Variants in GRIA2 observed in about 807,000 individuals in gnomAD.
GRIA2 encodes the protein glutamate receptor 2.
In GRIA2, 14 loss-of-function variants were observed where a neutral mutation model predicts 97.3. The observed-to-expected ratio is 0.14, with a 90% CI of 0.10 to 0.23. GRIA2 has a LOEUF of 0.23. GRIA2 is among the 10% of genes least tolerant of loss of function. The pLI is 1.00. For missense variants in GRIA2, 558 were observed against 1,069.8 expected, an observed-to-expected ratio of 0.52 and a Z score of 6.67; for synonymous variants, 412 against 387.8, an observed-to-expected ratio of 1.06 and a Z score of -0.73.
At chr4:157,351,377 A>G (rs1560778581) in intron 12 of GRIA2, among the ~76,000 whole-genome samples, 1 of 152,200 alleles carries the variant, frequency 6.6e-6, no homozygotes. Context: ...CTCTTCCTCT[A>G]CATTATCAGT....
intron 12 of GRIA2, among the ~76,000 whole-genome samples, chr4:157,343,134 C>T (rs1735618659): frequency 6.6e-6 from 1 of 151,972 alleles, no homozygotes; most frequent in Admixed American, 6.6e-5. Flanking sequence ...TTCCAATATG[C>T]AATCGTGGAG....
intron 2 of GRIA2, among the ~76,000 whole-genome samples, chr4:157,222,574 C>T (rs1476209444): frequency 1.3e-5 from 2 of 152,184 alleles, no homozygotes; most frequent in Non-Finnish European, 2.9e-5. Flanking sequence ...CCAGGGGCGC[C>T]GCGGTCAGCT....
chr4:157,310,940 C>A (rs1220242260), intron 3 of GRIA2, among the ~76,000 whole-genome samples: 2 of 151,986 alleles, frequency 1.3e-5, no homozygotes, highest in Non-Finnish European at 2.9e-5. Context: ...TATACCTATT[C>A]AACACCAAAA....
chr4:157,300,996 A>C (rs1733591085), intron 2 of GRIA2, among the ~76,000 whole-genome samples: 1 of 152,220 alleles, frequency 6.6e-6, no homozygotes, highest in Non-Finnish European at 1.5e-5. Context: ...TGCTGTTTTC[A>C]TCACAGAAGC....
intron 6 of GRIA2, among the ~76,000 whole-genome samples, chr4:157,330,044 C>A (rs1734979563): frequency 1.3e-5 from 2 of 151,886 alleles, no homozygotes; most frequent in African/African-American, 4.8e-5. Context: ...GTTTTTTAGA[C>A]TTACTGGGAA....
chr4:157,312,568 T>A, intron 3 of GRIA2, 111 bp from the exon 4 acceptor site: 1 of 576,010 alleles, frequency 1.7e-6, no homozygotes, highest in Non-Finnish European at 2.9e-6. Flanking sequence ...CAACATTCCT[T>A]TAGTTGCACA....
At position 157,353,555 on chromosome 4, in the gene GRIA2, A is replaced by C. The variant is rs186834350; in HGVS notation, c.2044-6341A>C. ...GCCAGGTGTGGTGGTGGGCGCCTGT[A>C]GTCCCAGCTACTTGGGAGGCTGAGG... On this transcript the variant is annotated intron_variant, in intron 12 of 15. Coordinates refer to ENST00000264426, the MANE Select transcript of GRIA2 (RefSeq NM_001083619.3). 2.8e-3 allele frequency among the ~76,000 whole-genome samples: 428 copies of C among 151,780 alleles called. 4 individuals carry two copies. The highest frequency in any genetic ancestry group is 9.7e-3 in the African/African-American group (402 of 41,400).
chr4:157,264,401 T>C (rs1036526946), intron 2 of GRIA2, among the ~76,000 whole-genome samples: 25 of 152,080 alleles, frequency 1.6e-4, no homozygotes, highest in Non-Finnish European at 1.0e-4. Flanking sequence ...CTCCAAATCC[T>C]GCAATGGAAG....
intron 2 of GRIA2, among the ~76,000 whole-genome samples, chr4:157,231,146 T>C (rs1363175050): frequency 6.6e-6 from 1 of 151,960 alleles, no homozygotes; most frequent in Non-Finnish European, 1.5e-5. Context: ...TCAAGCAGTT[T>C]TCCTGCGTCA....
chr4:157,303,908 A>G, intron 3 of GRIA2, 117 bp downstream of exon 3: 2 of 1,043,158 alleles, frequency 1.9e-6, no homozygotes, highest in African/African-American at 1.6e-5. Context: ...CCCTTGGTTT[A>G]ATTTTGCTGT....
Position 157,315,777 on chromosome 4 carries a change from G to C in GRIA2, c.667-1881G>C, listed in dbSNP as rs1233012168. ...GATGGTCTCGAACTCCTGACCTCAT[G>C]ATCTGCCCGCCTTGGCCTCCCAAAG... On this transcript the variant is annotated intron_variant, in intron 4 of 15. Transcript: ENST00000264426. 4.0e-4 allele frequency among the ~76,000 whole-genome samples: 61 copies of C among 152,132 alleles called. 1 individual carries two copies. The highest frequency in any genetic ancestry group is 4.0e-3 in the Admixed American group (61 of 15,268).
At chr4:157,359,733 A>G (rs1432381993) in intron 12 of GRIA2, among the ~76,000 whole-genome samples, 163 bp from the exon 13 acceptor site, 4 of 152,104 alleles carry the variant, frequency 2.6e-5, no homozygotes, top group Non-Finnish European at 5.9e-5. Flanking sequence ...CATAATAACA[A>G]TTTCATAGAA....
intron 2 of GRIA2, among the ~76,000 whole-genome samples, chr4:157,259,219 C>A (rs1731418166): frequency 6.6e-6 from 1 of 151,900 alleles, no homozygotes; most frequent in Non-Finnish European, 1.5e-5. Context: ...CACAGTGAGA[C>A]CCTGTCTGAA....
intron 2 of GRIA2, among the ~76,000 whole-genome samples, chr4:157,273,968 C>T (rs1732156921): frequency 6.6e-6 from 1 of 151,976 alleles, no homozygotes; most frequent in Non-Finnish European, 1.5e-5. Context: ...TGTAAATAAA[C>T]ATACATGGGA....
intron 2 of GRIA2, among the ~76,000 whole-genome samples, chr4:157,288,124 A>T (rs1270169220): frequency 6.6e-6 from 1 of 151,114 alleles, no homozygotes; most frequent in Non-Finnish European, 1.5e-5. Flanking sequence ...TCAAAGTATA[A>T]TTTTTTTTTA....
At chr4:157,330,247 G>A (rs952479647) in intron 6 of GRIA2, among the ~76,000 whole-genome samples, 4 of 151,912 alleles carry the variant, frequency 2.6e-5, no homozygotes, top group Admixed American at 6.6e-5. Context: ...ATCTGGACTT[G>A]AGCCTTGTCT....
At chr4:157,346,964 G>A (rs1560776700) in intron 12 of GRIA2, among the ~76,000 whole-genome samples, 1 of 152,074 alleles carries the variant, frequency 6.6e-6, no homozygotes, top group South Asian at 2.1e-4. Flanking sequence ...CATCCTAAAT[G>A]TATTTACGAA....
intron 2 of GRIA2, among the ~76,000 whole-genome samples, chr4:157,275,722 G>A (rs190277355): frequency 3.9e-5 from 6 of 152,090 alleles, no homozygotes; most frequent in East Asian, 1.9e-4. Flanking sequence ...TGTTCCATTC[G>A]TCTATATCTC....
chr4:157,258,281 T>G (rs551243970), intron 2 of GRIA2, among the ~76,000 whole-genome samples: 1 of 152,098 alleles, frequency 6.6e-6, no homozygotes, highest in Admixed American at 6.6e-5. Context: ...GAAATATTAC[T>G]GAATTCTTTT....
Sources: gnomAD v4.1 joint callset for allele counts (sites outside exome capture counted in the v4.1 genomes callset) on GRCh38, gnomAD v4.1.1 for gene constraint, MANE v1.5 for transcripts, NCBI Gene and HGNC (gene_info 2026-07-23, HGNC 2026-07-21) for gene names.